The following FAAH2 variants were observed in gnomAD, a reference collection of about 807,000 sequenced individuals.
The protein encoded by FAAH2 is fatty acid amide hydrolase 2.
FAAH2 carries 60 observed loss-of-function variants against 36.9 expected under a neutral mutation model. The observed-to-expected ratio is 1.63, with a 90% CI of 1.32 to 2.02. The LOEUF is 2.02. Ranked by LOEUF, FAAH2 falls within the 30% of genes most tolerant of loss-of-function variation. FAAH2 has a pLI of 0.00. For missense variants in FAAH2, 689 were observed against 397.5 expected, an observed-to-expected ratio of 1.73 and a Z score of -6.23; for synonymous variants, 214 against 143.8, an observed-to-expected ratio of 1.49 and a Z score of -3.49.
At chrX:57,296,099 G>C (rs902664742) in intron 2 of FAAH2, among the ~76,000 whole-genome samples, 1 of 112,193 alleles carries the variant, frequency 8.9e-6, no homozygotes, top group Non-Finnish European at 1.9e-5. Context: ...GATTTGAAGA[G>C]AGTAGTGGTT....
intron 5 of FAAH2, among the ~76,000 whole-genome samples, chrX:57,352,082 G>GTGTATA (rs1569284004): frequency 2.3e-4 from 1 of 4,296 alleles, no homozygotes; most frequent in African/African-American, 4.2e-4. Flanking sequence ...ATATATATGT[G>GTGTATA]TATATATATG....
At chrX:57,231,584 T>G in the FAAH2 span, among the ~76,000 whole-genome samples, 21 of 111,958 alleles carry the variant, frequency 1.9e-4, no homozygotes, top group Admixed American at 5.7e-4. Flanking sequence ...TACCTTTATA[T>G]TCACTATTTT....
chrX:57,296,163 G>C (rs774689244), intron 2 of FAAH2, among the ~76,000 whole-genome samples: 1 of 112,257 alleles, frequency 8.9e-6, no homozygotes, highest in East Asian at 2.8e-4. Context: ...CCTCAAGTGG[G>C]TCCCTGACCC....
Position 57,380,997 on chromosome X carries a change from G to A in FAAH2, c.964G>A (p.Val322Met), listed in dbSNP as rs200825666. The A allele has an allele frequency of 2.5e-6, 3 of 1,192,538 alleles. No individual in the cohort carries two copies. In the East Asian group the frequency reaches 9.0e-5, roughly 36 times the overall value. The change falls in exon 7 of 11, where the codon GTG becomes ATG. Residue 322 changes from valine to methionine, a missense_variant. Val to Met is a conservative substitution (Grantham distance 21). Transcript: ENST00000374900. ...TGGAGGCTCATTTTTAATGTCCAAA[G>A]TGGACCAAGATCTCATTATGACTCA... is the stretch of plus-strand genomic sequence containing the variant. ...HDGGSFLMSK[V>M]DQDLIMTQKK...
chrX:57,345,121 ATT>A (rs201155425), intron 5 of FAAH2, among the ~76,000 whole-genome samples: 1,551 of 94,967 alleles, frequency 0.016, 43 homozygotes, highest in African/African-American at 0.056. Flanking sequence ...CCTCTCCTCA[ATT>A]TTTTTTTTTT....
intron 7 of FAAH2, among the ~76,000 whole-genome samples, chrX:57,428,666 C>A (rs193100799): frequency 2.7e-5 from 3 of 111,927 alleles, no homozygotes; most frequent in Admixed American, 1.9e-4. Context: ...AAAAAGGGTT[C>A]TTGGAAAATT....
intron 7 of FAAH2, among the ~76,000 whole-genome samples, chrX:57,417,766 A>C (rs749892806): frequency 9.8e-5 from 11 of 112,043 alleles, no homozygotes; most frequent in African/African-American, 3.6e-4. Flanking sequence ...CTGTTCTGGG[A>C]GATCTGCTGC....
At chrX:57,164,916 C>T in the FAAH2 span, among the ~76,000 whole-genome samples, 1 of 112,269 alleles carries the variant, frequency 8.9e-6, no homozygotes, top group East Asian at 2.8e-4. Context: ...ACACCATTCC[C>T]AAATTCAGGT....
At chrX:57,318,106 G>C (rs951757897) in intron 3 of FAAH2, among the ~76,000 whole-genome samples, 1 of 111,287 alleles carries the variant, frequency 9.0e-6, no homozygotes, top group Non-Finnish European at 1.9e-5. Context: ...AAAAGAACTA[G>C]AGAAGCAAGA....
chrX:57,303,610 G>T (rs1173918556), intron 2 of FAAH2, among the ~76,000 whole-genome samples: 1 of 111,673 alleles, frequency 9.0e-6, no homozygotes, highest in East Asian at 2.8e-4. Flanking sequence ...AAACAGTTTA[G>T]GAAGTTGTCA....
At chrX:57,123,624 G>A in the FAAH2 span, among the ~76,000 whole-genome samples, 1 of 112,224 alleles carries the variant, frequency 8.9e-6, no homozygotes, top group South Asian at 3.7e-4. Context: ...CACCAACAGT[G>A]TAAAAGTGTT....
chrX:57,445,660 C>T (rs185096164), intron 8 of FAAH2, among the ~76,000 whole-genome samples: 1 of 111,963 alleles, frequency 8.9e-6, no homozygotes, highest in Non-Finnish European at 1.9e-5. Context: ...CAGGAATCTC[C>T]TTGTTGCTTC....
chrX:57,441,515 G>A (rs755551708), intron 8 of FAAH2, among the ~76,000 whole-genome samples: 3 of 109,349 alleles, frequency 2.7e-5, no homozygotes, highest in Non-Finnish European at 5.7e-5. Context: ...AGTCTTGCTA[G>A]TGGTCTATCA....
the FAAH2 span, among the ~76,000 whole-genome samples, chrX:57,183,773 G>A: frequency 9.0e-6 from 1 of 111,211 alleles, no homozygotes; most frequent in Non-Finnish European, 1.9e-5. Flanking sequence ...GAATAACAGC[G>A]ATTTTTAGGG....
chrX:57,248,279 G>GT, the FAAH2 span, among the ~76,000 whole-genome samples: 3 of 111,996 alleles, frequency 2.7e-5, no homozygotes, highest in Admixed American at 9.5e-5. Context: ...TTCTGCATTT[G>GT]TTTTTTAATA....
At chrX:57,160,482 G>A in the FAAH2 span, among the ~76,000 whole-genome samples, 4 of 111,209 alleles carry the variant, frequency 3.6e-5, no homozygotes, top group Non-Finnish European at 3.8e-5. Context: ...GACATTTTTT[G>A]GTTTGTAAGC....
chrX:57,217,662 C>T, the FAAH2 span, among the ~76,000 whole-genome samples: 2 of 112,090 alleles, frequency 1.8e-5, no homozygotes, highest in Non-Finnish European at 3.8e-5. Context: ...ATACCAGTAC[C>T]ATGCTGTTTT....
chrX:57,453,403 C>T (rs1016005608), intron 10 of FAAH2, among the ~76,000 whole-genome samples: 1 of 112,745 alleles, frequency 8.9e-6, no homozygotes, highest in South Asian at 3.6e-4. Flanking sequence ...CCTGCTAGAG[C>T]TTCCAGCCCA....
chrX:57,440,188 G>T (rs968309813), intron 8 of FAAH2, among the ~76,000 whole-genome samples: 2 of 110,947 alleles, frequency 1.8e-5, no homozygotes, highest in Non-Finnish European at 3.8e-5. Flanking sequence ...AAATTACCTT[G>T]GGCAGTATGA....
Sources: gnomAD v4.1 joint callset for allele counts (sites outside exome capture counted in the v4.1 genomes callset) on GRCh38, gnomAD v4.1.1 for gene constraint, MANE v1.5 for transcripts, NCBI Gene and HGNC (gene_info 2026-07-23, HGNC 2026-07-21) for gene names.